Variants in CLIC5 observed in about 807,000 individuals in gnomAD.
CLIC5 encodes the protein CLIC family member 5, also known as chloride intracellular channel protein 5.
In CLIC5, 20 loss-of-function variants were observed where a neutral mutation model predicts 24.7. That is an observed-to-expected ratio of 0.81 (90% CI 0.57 to 1.18). The LOEUF is 1.18. CLIC5 is among the 50% of genes most tolerant of loss of function. The pLI, the probability that CLIC5 is intolerant of heterozygous loss-of-function variation, is 0.00. For synonymous variants in CLIC5, 159 were observed against 135.6 expected, an observed-to-expected ratio of 1.17 and a Z score of -1.20; for missense variants, 341 against 326.1, an observed-to-expected ratio of 1.05 and a Z score of -0.35.
At chr6:46,022,788 G>C (rs1180186245) in intron 1 of CLIC5, among the ~76,000 whole-genome samples, 3 of 152,010 alleles carry the variant, frequency 2.0e-5, no homozygotes, top group Non-Finnish European at 4.4e-5. Context: ...GTGTTTTCGG[G>C]GTGTCTACTA....
chr6:45,927,623 G>C (rs79173826), intron 4 of CLIC5, among the ~76,000 whole-genome samples: 128 of 152,284 alleles, frequency 8.4e-4, no homozygotes, highest in African/African-American at 2.9e-3. Context: ...GGCCCTGCAG[G>C]AATCTACATT....
chr6:46,050,287 G>A (rs576782549), intron 1 of CLIC5, among the ~76,000 whole-genome samples: 1 of 152,304 alleles, frequency 6.6e-6, no homozygotes, highest in Non-Finnish European at 1.5e-5. Context: ...AGTCTCTGAC[G>A]CTGTTGATGC....
At chr6:46,118,394 T>G in the CLIC5 span, among the ~76,000 whole-genome samples, 1 of 152,146 alleles carries the variant, frequency 6.6e-6, no homozygotes, top group African/African-American at 2.4e-5. Context: ...TGATGACATA[T>G]TTCATCATCC....
chr6:45,988,480 C>A (rs1336885142), intron 1 of CLIC5, among the ~76,000 whole-genome samples: 1 of 152,154 alleles, frequency 6.6e-6, no homozygotes, highest in African/African-American at 2.4e-5. Context: ...GTTTGATCAA[C>A]TATCTGGGCC....
intron 3 of CLIC5, among the ~76,000 whole-genome samples, chr6:45,942,880 AG>A (rs1433846672): frequency 6.6e-6 from 1 of 152,222 alleles, no homozygotes; most frequent in Non-Finnish European, 1.5e-5. Flanking sequence ...TTTACATGGA[AG>A]GGAACTGGAT....
At chr6:46,035,075 A>G (rs1352853670) in intron 1 of CLIC5, among the ~76,000 whole-genome samples, 1 of 152,228 alleles carries the variant, frequency 6.6e-6, no homozygotes, top group Admixed American at 6.5e-5. Context: ...CTTACTTTAT[A>G]TCCAAATAAT....
At chr6:45,960,090 G>T (rs1764796526) in intron 1 of CLIC5, among the ~76,000 whole-genome samples, 1 of 152,118 alleles carries the variant, frequency 6.6e-6, no homozygotes, top group African/African-American at 2.4e-5. Flanking sequence ...ACCCCTGAAA[G>T]CCTCTTAGCG....
At chr6:45,982,072 T>C (rs1023974754) in intron 1 of CLIC5, among the ~76,000 whole-genome samples, 2 of 151,928 alleles carry the variant, frequency 1.3e-5, no homozygotes, top group African/African-American at 4.8e-5. Context: ...TCTTGGAATG[T>C]TGGAAGATGG....
intron 1 of CLIC5, among the ~76,000 whole-genome samples, chr6:45,985,204 C>CTGT (rs1765693701): frequency 6.6e-6 from 1 of 152,134 alleles, no homozygotes. Flanking sequence ...GAGCCCTGAG[C>CTGT]TGTTGTTCAG....
intron 1 of CLIC5, among the ~76,000 whole-genome samples, chr6:46,068,589 A>AC (rs921353158): frequency 2.0e-5 from 3 of 151,916 alleles, no homozygotes; most frequent in Non-Finnish European, 4.4e-5. Flanking sequence ...TTGTATACAT[A>AC]CCCCCCAAGT....
At chr6:45,955,037 G>A (rs182196579) in intron 2 of CLIC5, 98 bp downstream of exon 2, 2 of 762,894 alleles carry the variant, frequency 2.6e-6, no homozygotes, top group East Asian at 5.0e-5. Flanking sequence ...GTGTGAGCAG[G>A]GGGCTGCTGG....
the CLIC5 span, among the ~76,000 whole-genome samples, chr6:46,097,660 A>G: frequency 2.0e-5 from 3 of 152,202 alleles, no homozygotes; most frequent in African/African-American, 7.2e-5. Flanking sequence ...ATACTCCAAG[A>G]CTTGAATTTC....
upstream of CLIC5, chr6:46,015,873 G>T: frequency 9.4e-7 from 1 of 1,063,836 alleles, no homozygotes; most frequent in Non-Finnish European, 1.1e-6. Context: ...TCCCGCCGCC[G>T]CCAACGCGCC....
intron 4 of CLIC5, among the ~76,000 whole-genome samples, chr6:45,921,207 T>C (rs1046282534): frequency 6.6e-6 from 1 of 152,120 alleles, no homozygotes; most frequent in Non-Finnish European, 1.5e-5. Context: ...TTAAATAATG[T>C]CTACACCAGA....
chr6:45,928,637 G>A (rs530774148), intron 4 of CLIC5, among the ~76,000 whole-genome samples: 48 of 152,220 alleles, frequency 3.2e-4, no homozygotes, highest in African/African-American at 1.1e-3. Flanking sequence ...TGAATATATT[G>A]TGTCCCATCA....
At chr6:46,043,926 G>A (rs190722717) in intron 1 of CLIC5, among the ~76,000 whole-genome samples, 7 of 152,334 alleles carry the variant, frequency 4.6e-5, no homozygotes, top group African/African-American at 1.4e-4. Flanking sequence ...CAGATTCATC[G>A]GATGCCAGTC....
At chr6:46,064,935 G>A (rs962427076) in intron 1 of CLIC5, among the ~76,000 whole-genome samples, 4 of 143,322 alleles carry the variant, frequency 2.8e-5, no homozygotes, top group African/African-American at 1.0e-4. Context: ...TTGATAAATG[G>A]GTTTCACCGA....
chr6:45,904,283 A>G lies in CLIC5; in HGVS notation c.589-1028T>C, dbSNP rs148926610. 3.6e-3 allele frequency among the ~76,000 whole-genome samples: 541 copies of G among 152,240 alleles called. 17 individuals are homozygous for G. Among genetic ancestry groups the G allele is most frequent in the Non-Finnish European group, 4.4e-4 (30 of 68,024 alleles). ...GAGGAGTGCCTGGCAAATAGTAAAT[A>G]CTCAATAAACATCAAGTATTATTAT... On this transcript the variant is annotated intron_variant, in intron 5 of 5. Transcript: ENST00000339561.
chr6:46,040,312 C>T (rs894581458), intron 1 of CLIC5, among the ~76,000 whole-genome samples: 1 of 151,964 alleles, frequency 6.6e-6, no homozygotes, highest in Non-Finnish European at 1.5e-5. Flanking sequence ...TGATTTGTTG[C>T]TCATAGTGTT....
Sources: gnomAD v4.1 joint callset for allele counts (sites outside exome capture counted in the v4.1 genomes callset) on GRCh38, gnomAD v4.1.1 for gene constraint, MANE v1.5 for transcripts, NCBI Gene and HGNC (gene_info 2026-07-23, HGNC 2026-07-21) for gene names.